UNC5C: variants seen among roughly 807,000 people sequenced by gnomAD.
UNC5C encodes unc-5 netrin receptor C.
A neutral mutation model predicts 99.8 loss-of-function variants in UNC5C; 47 were observed. The ratio of observed to expected loss-of-function variants is 0.47; its 90% CI spans 0.37 to 0.60. The LOEUF is 0.60. Ranked by LOEUF, UNC5C falls within the 20% of genes least tolerant of loss-of-function variation. The pLI is 0.00. For synonymous variants in UNC5C, 487 were observed against 452.2 expected (o/e 1.08, Z -0.98); for missense variants, 1,062 against 1,165.9 (o/e 0.91, Z 1.30).
chr4:95,369,077 C>T (rs1461662304), intron 1 of UNC5C, among the ~76,000 whole-genome samples: 1 of 151,818 alleles, frequency 6.6e-6, no homozygotes, highest in Non-Finnish European at 1.5e-5. Context: ...CAAACTGGTC[C>T]TTAACTCCTG....
At position 95,341,720 on chromosome 4, in the gene UNC5C, G is replaced by T. The variant is rs539913667; in HGVS notation, c.125-6089C>A. Among the ~76,000 whole-genome samples the T allele has an allele frequency of 9.1e-4, 138 of 152,054 alleles. 1 individual carries two copies. The highest frequency in any genetic ancestry group is 3.2e-3 in the African/African-American group (132 of 41,504). Reference sequence around the variant, plus strand: ...ACTCAGGTGAGTGATCACAGTACCTGGTTTTAACTTCATATCACTGAAAAA... The same window carrying T: ...ACTCAGGTGAGTGATCACAGTACCTTGTTTTAACTTCATATCACTGAAAAA... On this transcript the variant is annotated intron_variant, in intron 1 of 15. Coordinates refer to ENST00000453304, the MANE Select transcript of UNC5C (RefSeq NM_003728.4).
At chr4:95,297,054 G>T (rs77671651) in intron 3 of UNC5C, among the ~76,000 whole-genome samples, 13 of 152,020 alleles carry the variant, frequency 8.6e-5, no homozygotes, top group Non-Finnish European at 1.9e-4. Flanking sequence ...AGTAAAGGAG[G>T]GTCTTCATCC....
chr4:95,492,286 GCTT>G (rs1389134829), intron 1 of UNC5C, among the ~76,000 whole-genome samples: 4 of 151,200 alleles, frequency 2.6e-5, no homozygotes, highest in African/African-American at 9.7e-5. Flanking sequence ...ATATGTGTTT[GCTT>G]CTATCATGCT....
At chr4:95,420,150 C>T (rs551072920) in intron 1 of UNC5C, among the ~76,000 whole-genome samples, 44 of 152,222 alleles carry the variant, frequency 2.9e-4, no homozygotes, top group African/African-American at 5.1e-4. Context: ...GTTTGAAAAA[C>T]GATGGATCAG....
At chr4:95,292,159 AC>A (rs1279512184) in intron 3 of UNC5C, among the ~76,000 whole-genome samples, 3 of 150,504 alleles carry the variant, frequency 2.0e-5, no homozygotes, top group Non-Finnish European at 4.4e-5. Flanking sequence ...GTACATGTGA[AC>A]CAATATAATA....
At chr4:95,497,688 C>G (rs999762116) in intron 1 of UNC5C, among the ~76,000 whole-genome samples, 1 of 151,822 alleles carries the variant, frequency 6.6e-6, no homozygotes, top group Non-Finnish European at 1.5e-5. Flanking sequence ...TACTACTTGA[C>G]CATTTGATCC....
chr4:95,441,408 T>C (rs1281197799), intron 1 of UNC5C, among the ~76,000 whole-genome samples: 1 of 152,236 alleles, frequency 6.6e-6, no homozygotes, highest in Non-Finnish European at 1.5e-5. Context: ...AATATTAAAA[T>C]TATTTAATGA....
At chr4:95,456,882 TCTATGA>T (rs1453166531) in intron 1 of UNC5C, among the ~76,000 whole-genome samples, 3 of 152,154 alleles carry the variant, frequency 2.0e-5, no homozygotes, top group African/African-American at 7.2e-5. Context: ...TAGAACATTT[TCTATGA>T]CTATAATTAT....
At chr4:95,262,333 A>C (rs1310119525) in intron 4 of UNC5C, among the ~76,000 whole-genome samples, 1 of 152,184 alleles carries the variant, frequency 6.6e-6, no homozygotes, top group African/African-American at 2.4e-5. Flanking sequence ...TGTAACTTGG[A>C]AGACGTGCAG....
intron 14 of UNC5C, among the ~76,000 whole-genome samples, chr4:95,181,319 A>G (rs1736602066): frequency 6.6e-6 from 1 of 152,172 alleles, no homozygotes; most frequent in Admixed American, 6.5e-5. Flanking sequence ...TGATCACACT[A>G]TGCAAAACTG....
At chr4:95,450,216 C>T (rs1747242285) in intron 1 of UNC5C, among the ~76,000 whole-genome samples, 1 of 152,072 alleles carries the variant, frequency 6.6e-6, no homozygotes, top group Admixed American at 6.5e-5. Context: ...GTGCTTCTTC[C>T]CCCAACCCCC....
Position 95,499,748 on chromosome 4 carries a change from A to G in UNC5C, c.124+48986T>C, listed in dbSNP as rs182387186. ...TCCCCTTGATCACAGGTATCTGCCA[A>G]AGCTATTAAGGTAAGTTTACATTGA... On this transcript the variant is annotated intron_variant, in intron 1 of 15. Transcript: ENST00000453304. 1.4e-3 allele frequency among the ~76,000 whole-genome samples: 214 copies of G among 152,180 alleles called. 2 individuals carry two copies. Among genetic ancestry groups the G allele is most frequent in the African/African-American group, 4.7e-3 (195 of 41,546 alleles).
intron 1 of UNC5C, among the ~76,000 whole-genome samples, chr4:95,339,871 ATTAAC>A (rs371139302): frequency 0.039 from 5,953 of 151,726 alleles, 340 homozygotes; most frequent in African/African-American, 0.13. Flanking sequence ...TGAATTCAGT[ATTAAC>A]TTAACGCATT....
Position 95,316,642 on chromosome 4 carries a change from C to T in UNC5C, c.347-14893G>A, listed in dbSNP as rs540026023. ...CTATCAAAAAATGAGAAGAATAGAA[C>T]CACTGCTTTCTCATTAACAGTTTTC... On this transcript the variant is annotated intron_variant, in intron 2 of 15. Coordinates refer to ENST00000453304, the MANE Select transcript of UNC5C (RefSeq NM_003728.4). Among the ~76,000 whole-genome samples the T allele has an allele frequency of 5.9e-5, 9 of 152,228 alleles. No homozygotes were observed. The East Asian group carries it at 1.5e-3, about 26-fold the overall frequency.
intron 4 of UNC5C, among the ~76,000 whole-genome samples, chr4:95,269,635 T>C (rs2149390315): frequency 6.6e-6 from 1 of 152,144 alleles, no homozygotes; most frequent in South Asian, 2.1e-4. Flanking sequence ...GAGTTCTGGG[T>C]CTGAGATTCT....
chr4:95,525,152 A>G (rs1483926332), intron 1 of UNC5C, among the ~76,000 whole-genome samples: 1 of 152,204 alleles, frequency 6.6e-6, no homozygotes, highest in Non-Finnish European at 1.5e-5. Context: ...AACATACATA[A>G]GAGCAGCAAT....
At position 95,480,528 on chromosome 4, in the gene UNC5C, T is replaced by C. The variant is rs541898807; in HGVS notation, c.124+68206A>G. Among the ~76,000 whole-genome samples the C allele has an allele frequency of 2.6e-5, 4 of 151,938 alleles. No homozygotes were observed. The East Asian group carries it at 7.8e-4, about 30-fold the overall frequency. ...TTTTCTACCATTATACACAGCCTAC[T>C]TATTACACCTCAGATAAAAACAAAA... On this transcript the variant is annotated intron_variant, in intron 1 of 15. Transcript: ENST00000453304.
intron 1 of UNC5C, among the ~76,000 whole-genome samples, chr4:95,439,206 G>GC (rs1009298719): frequency 6.6e-5 from 10 of 152,072 alleles, no homozygotes; most frequent in Non-Finnish European, 1.3e-4. Flanking sequence ...CTTTATCAAG[G>GC]CTGGCCCCAA....
At chr4:95,426,383 C>A (rs980328210) in intron 1 of UNC5C, among the ~76,000 whole-genome samples, 7 of 152,160 alleles carry the variant, frequency 4.6e-5, no homozygotes, top group Non-Finnish European at 1.0e-4. Context: ...TTCAGGCCTT[C>A]CTATTCCCTA....
Sources: gnomAD v4.1 joint callset for allele counts (sites outside exome capture counted in the v4.1 genomes callset) on GRCh38, gnomAD v4.1.1 for gene constraint, MANE v1.5 for transcripts, NCBI Gene and HGNC (gene_info 2026-07-23, HGNC 2026-07-21) for gene names.